ZNF880: variants seen among roughly 807,000 people sequenced by gnomAD.
The protein encoded by ZNF880 is zinc finger protein 880.
A neutral mutation model predicts 11.8 loss-of-function variants in ZNF880; 12 were observed. The observed-to-expected ratio is 1.02, with a 90% confidence interval of 0.65 to 1.65. The LOEUF (loss-of-function observed/expected upper bound fraction) is 1.65. ZNF880 is among the 40% of genes most tolerant of loss of function. The pLI is 0.00. For synonymous variants in ZNF880, 210 were observed against 232.4 expected, an observed-to-expected ratio of 0.90 and a Z score of 0.88; for missense variants, 601 against 673.9, an observed-to-expected ratio of 0.89 and a Z score of 1.20.
At chr19:52,369,904 G>T, upstream of ZNF880, 1 of 1,550,802 alleles carries the variant, frequency 6.4e-7, no homozygotes, top group Non-Finnish European at 8.7e-7. Context: ...GCCTCGCCTC[G>T]CCTCTCAGCT....
At chr19:52,390,311 A>T (rs1222027977), downstream of ZNF880, 1 of 392,668 alleles carries the variant, frequency 2.5e-6, no homozygotes, top group African/African-American at 2.1e-5. Context: ...CAGCTCCTGG[A>T]GCGCAGCGAC....
chr19:52,387,865 C>T (rs1161465073), downstream of ZNF880, among the ~76,000 whole-genome samples: 2 of 130,674 alleles, frequency 1.5e-5, 1 homozygote, highest in African/African-American at 6.2e-5. Flanking sequence ...TGCTCAGTGA[C>T]GTAAGTGGAA....
chr19:52,393,214 T>A, the ZNF880 span, among the ~76,000 whole-genome samples: 27 of 151,826 alleles, frequency 1.8e-4, no homozygotes, highest in Non-Finnish European at 2.9e-4. Context: ...CTGGGATTAC[T>A]GGTGCCTGCC....
At position 52,374,803 on chromosome 19, in the gene ZNF880, C is replaced by T. The variant is rs182990226; in HGVS notation, c.268+376C>T. ...GGCTGGAGTGTAGTGGTGGTGTGAT[C>T]GTAGCCCGTGTACCCTCAGTCTTTG... On this transcript the variant is annotated intron_variant, in intron 3 of 3. Coordinates refer to ENST00000422689, the MANE Select transcript of ZNF880 (RefSeq NM_001145434.2). 1.9e-3 allele frequency: 929 copies of T among 480,868 alleles called. 5 individuals are homozygous for T. The highest frequency in any genetic ancestry group is 2.8e-3 in the Non-Finnish European group (746 of 266,714). The allele number at this position is 480,868 out of a possible 1,614,324, so 29.8% of individuals were successfully genotyped here.
downstream of ZNF880, among the ~76,000 whole-genome samples, chr19:52,385,957 C>T (rs376118195): frequency 1.4e-5 from 2 of 141,836 alleles, no homozygotes; most frequent in Non-Finnish European, 3.1e-5. Context: ...GGGCGGATCA[C>T]GAGGTTAGGA....
At chr19:52,391,775 G>C in the ZNF880 span, among the ~76,000 whole-genome samples, 1 of 152,156 alleles carries the variant, frequency 6.6e-6, no homozygotes, top group East Asian at 1.9e-4. Flanking sequence ...CTGCCAGACG[G>C]CAGGCAGTGA....
rs370269575 is a variant in ZNF880 at position 52,378,420 on chromosome 19, G to A, written c.268+3993G>A. The stretch of plus-strand genomic sequence containing the variant: ...AGCACTTTGGGAGGCTAGGGCAGGC[G>A]GATCAGAAAGTCAGGGGATCGAAAC... On this transcript the variant is annotated intron_variant, in intron 3 of 3. Coordinates refer to ENST00000422689, the MANE Select transcript of ZNF880 (RefSeq NM_001145434.2). 1.7e-3 allele frequency among the ~76,000 whole-genome samples: 266 copies of A among 152,030 alleles called. 1 individual carries two copies. In the South Asian group the frequency reaches 0.022, roughly 13 times the overall value.
At position 52,384,516 on chromosome 19, in the gene ZNF880, A is replaced by T. The variant is rs571149959; in HGVS notation, c.936A>T (p.Ala312=). The T allele has an allele frequency of 3.7e-6, 6 of 1,613,808 alleles. No homozygotes were observed. Among genetic ancestry groups the T allele is most frequent in the Non-Finnish European group, 5.1e-6 (6 of 1,179,978 alleles). ...TCTTCAACAGAAATGCACACCTTGC[A>T]CGACATCAGAAAATTCATAGTGGAG... ...GKVFNRNAHL[A]RHQKIHSGEK... is the part of the protein sequence containing the mutation. Residue 312 remains alanine (A), a synonymous_variant, in exon 4 of 4, where the codon GCA becomes GCT. Transcript: ENST00000422689.
intron 1 of ZNF880, among the ~76,000 whole-genome samples, chr19:52,372,175 T>C (rs1317452068): frequency 2.0e-5 from 3 of 151,284 alleles, no homozygotes; most frequent in Non-Finnish European, 4.4e-5. Flanking sequence ...GGCAATAAAG[T>C]GAGACTCCAT....
chr19:52,388,059 T>C (rs1296009306), downstream of ZNF880, among the ~76,000 whole-genome samples: 3 of 115,182 alleles, frequency 2.6e-5, 1 homozygote, highest in African/African-American at 1.1e-4. Flanking sequence ...TTTGTATTTT[T>C]AGTAGAGACA....
chr19:52,382,484 C>T (rs183316890), intron 3 of ZNF880, among the ~76,000 whole-genome samples: 142 of 152,152 alleles, frequency 9.3e-4, no homozygotes, highest in African/African-American at 3.3e-3. Context: ...AATGCACTCC[C>T]TCAGCTCTTC....
rs1421841027 is a variant in ZNF880 at position 52,370,977 on chromosome 19, T to C, written c.12+1000T>C. The stretch of plus-strand genomic sequence containing the variant: ...AAGAGGTTATTGACAGACAACTCTT[T>C]CAGTTGTCACATATATGTTTACTAG... On this transcript the variant is annotated intron_variant, in intron 1 of 3. Coordinates refer to ENST00000422689, the MANE Select transcript of ZNF880 (RefSeq NM_001145434.2). Among the ~76,000 whole-genome samples the C allele has an allele frequency of 3.3e-5, 5 of 152,276 alleles. No homozygotes were observed. In the South Asian group the frequency reaches 8.3e-4, roughly 25 times the overall value.
At chr19:52,379,635 G>A (rs549126117) in intron 3 of ZNF880, 40 of 286,448 alleles carry the variant, frequency 1.4e-4, no homozygotes, top group Admixed American at 2.0e-4. Flanking sequence ...GTTTTAGGTC[G>A]CTGCATCCTT....
downstream of ZNF880, among the ~76,000 whole-genome samples, chr19:52,386,041 G>A (rs1185291371): frequency 4.9e-5 from 7 of 142,312 alleles, 1 homozygote; most frequent in Non-Finnish European, 9.2e-5. Context: ...CAGGCATGGT[G>A]GCAGACGCCT....
intron 3 of ZNF880, among the ~76,000 whole-genome samples, chr19:52,383,261 A>G (rs1986754843): frequency 6.6e-6 from 1 of 152,170 alleles, no homozygotes. Context: ...AATACCTGTC[A>G]AGTAATTCAG....
chr19:52,369,438 A>G (rs919135737), upstream of ZNF880, among the ~76,000 whole-genome samples: 3 of 151,202 alleles, frequency 2.0e-5, no homozygotes, highest in Non-Finnish European at 4.4e-5. Context: ...TTTAATTTGC[A>G]TCCCCTTCAT....
upstream of ZNF880, chr19:52,369,862 G>A (rs576253185): frequency 2.8e-6 from 4 of 1,453,850 alleles, no homozygotes; most frequent in South Asian, 1.2e-5. Context: ...GCGGAGGGAA[G>A]CGCAGGCTCC....
At position 52,373,416 on chromosome 19, in the gene ZNF880, C is replaced by T. The variant is rs540849640; in HGVS notation, c.139+179C>T. ...TGCTGTATTTTTCAGAAACAATAAG[C>T]TCCATAATACTTTCTGGACTTAAAA... is the stretch of plus-strand genomic sequence containing the variant. On this transcript the variant is annotated intron_variant, in intron 2 of 3. Transcript: ENST00000422689. 5.3e-5 allele frequency among the ~76,000 whole-genome samples: 8 copies of T among 152,218 alleles called. No individual in the cohort carries two copies. The South Asian group carries it at 1.7e-3, about 32-fold the overall frequency.
intron 1 of ZNF880, among the ~76,000 whole-genome samples, chr19:52,372,601 T>G (rs1202908543): frequency 1.3e-5 from 2 of 148,412 alleles, no homozygotes; most frequent in Non-Finnish European, 3.0e-5. Flanking sequence ...AAATCTATAC[T>G]AATTTAAAGA....
Sources: gnomAD v4.1 joint callset for allele counts (sites outside exome capture counted in the v4.1 genomes callset) on GRCh38, gnomAD v4.1.1 for gene constraint, MANE v1.5 for transcripts, NCBI Gene and HGNC (gene_info 2026-07-23, HGNC 2026-07-21) for gene names.